Variants in GPM6B observed in about 807,000 individuals in gnomAD.
GPM6B encodes neuronal membrane glycoprotein M6-b.
In GPM6B, 4 loss-of-function variants were observed where a neutral mutation model predicts 27.2. The observed-to-expected ratio is 0.15, with a 90% CI of 0.07 to 0.34. GPM6B has a LOEUF of 0.34. Among genes scored for constraint, GPM6B ranks in the 10% least tolerant of loss-of-function variants. The probability of loss-of-function intolerance (pLI) is 1.00; values close to 1 mark genes in which losing one functional copy is unlikely to be tolerated. For synonymous variants in GPM6B, 124 were observed against 103.1 expected (o/e 1.20, Z -1.23); for missense variants, 183 against 261.9 (o/e 0.70, Z 2.08).
intron 2 of GPM6B, among the ~76,000 whole-genome samples, chrX:13,788,551 G>A (rs1396719786): frequency 9.1e-6 from 1 of 109,313 alleles, no homozygotes; most frequent in East Asian, 2.9e-4. Context: ...TGTATATATA[G>A]ATGTATACAT....
At chrX:13,816,598 C>A (rs2049238996) in intron 1 of GPM6B, among the ~76,000 whole-genome samples, 1 of 111,018 alleles carries the variant, frequency 9.0e-6, no homozygotes, top group East Asian at 2.8e-4. Context: ...CCCAAGGTGA[C>A]AAACTATAGA....
intron 1 of GPM6B, among the ~76,000 whole-genome samples, chrX:13,868,942 G>A (rs1020810107): frequency 8.9e-6 from 1 of 111,958 alleles, no homozygotes; most frequent in African/African-American, 3.2e-5. Context: ...TGGGATGCTT[G>A]GAGATGGTGT....
At chrX:13,894,427 T>C (rs1046825114) in intron 1 of GPM6B, among the ~76,000 whole-genome samples, 2 of 112,401 alleles carry the variant, frequency 1.8e-5, no homozygotes, top group African/African-American at 6.5e-5. Context: ...TAGAAGTTTA[T>C]CAAGCAACCT....
At chrX:13,906,208 C>G (rs908845711) in intron 1 of GPM6B, among the ~76,000 whole-genome samples, 19 of 112,319 alleles carry the variant, frequency 1.7e-4, no homozygotes, top group African/African-American at 6.1e-4. Flanking sequence ...GTTTTTTGTT[C>G]ATGCACCTCC....
chrX:13,777,921 C>T (rs750872385), intron 5 of GPM6B, among the ~76,000 whole-genome samples: 7 of 111,944 alleles, frequency 6.3e-5, no homozygotes, highest in African/African-American at 1.3e-4. Flanking sequence ...GGCAATTTGA[C>T]GGAGTAATTT....
At chrX:13,790,950 T>C (rs1441430648) in intron 2 of GPM6B, among the ~76,000 whole-genome samples, 1 of 111,651 alleles carries the variant, frequency 9.0e-6, no homozygotes, top group African/African-American at 3.3e-5. Context: ...CTGTCCTTAG[T>C]AGTCATAGGC....
chrX:13,862,541 G>GCT (rs1402811714), intron 1 of GPM6B, among the ~76,000 whole-genome samples: 1 of 111,793 alleles, frequency 8.9e-6, no homozygotes. Flanking sequence ...GCAACAAGGT[G>GCT]GGTAGGTGGG....
At chrX:13,892,912 G>A (rs964060291) in intron 1 of GPM6B, among the ~76,000 whole-genome samples, 29 of 112,012 alleles carry the variant, frequency 2.6e-4, no homozygotes, top group African/African-American at 9.4e-4. Context: ...GGGTATGGTG[G>A]TGCATACCTG....
upstream of GPM6B, chrX:13,817,230 G>A: frequency 1.2e-6 from 1 of 848,762 alleles, no homozygotes; most frequent in South Asian, 6.2e-5. Flanking sequence ...GGGGGTAGGG[G>A]GGTGGGGGAG....
intron 1 of GPM6B, among the ~76,000 whole-genome samples, chrX:13,853,721 C>T (rs192420351): frequency 1.0e-3 from 115 of 110,333 alleles, no homozygotes; most frequent in African/African-American, 3.5e-3. Context: ...CCAATGAAGT[C>T]ACAATAATAT....
At position 13,783,525 on chromosome X, in the gene GPM6B, CAA is replaced by C. The variant is rs2048555652; in HGVS notation, c.369-6_369-5del. The C allele has an allele frequency of 8.4e-7, 1 of 1,187,481 alleles. No homozygotes were observed. The highest frequency in any genetic ancestry group is 1.1e-6 in the Non-Finnish European group (1 of 882,150). On this transcript the variant is annotated splice_region_variant and splice_polypyrimidine_tract_variant and intron_variant, in intron 3 of 7. Coordinates refer to ENST00000316715, the MANE Select transcript of GPM6B (RefSeq NM_001001995.3). ...GACATACTGCATCAGTTGTATCCTA[CAA>C]AGAGAAGAAGAGATCCTGAACCATT...
At chrX:13,780,232 T>A (rs1343790015) in intron 4 of GPM6B, among the ~76,000 whole-genome samples, 1 of 111,345 alleles carries the variant, frequency 9.0e-6, no homozygotes, top group Non-Finnish European at 1.9e-5. Context: ...TCAGGGCCTT[T>A]CGGGTCACTC....
intron 1 of GPM6B, among the ~76,000 whole-genome samples, chrX:13,850,797 C>T (rs752593607): frequency 6.3e-5 from 7 of 111,986 alleles, no homozygotes; most frequent in African/African-American, 9.7e-5. Flanking sequence ...TTATTGGTAT[C>T]GTTATTTAAA....
chrX:13,871,695 C>T (rs2049980441), intron 1 of GPM6B, among the ~76,000 whole-genome samples: 2 of 112,332 alleles, frequency 1.8e-5, no homozygotes, highest in Admixed American at 9.4e-5. Context: ...CATATAGTAG[C>T]CACTAGCTAC....
intron 1 of GPM6B, among the ~76,000 whole-genome samples, chrX:13,842,748 A>T (rs1481677011): frequency 3.6e-5 from 4 of 111,531 alleles, no homozygotes; most frequent in South Asian, 7.7e-4. Flanking sequence ...AAAATTTTTT[A>T]AAAGCTACCC....
intron 1 of GPM6B, among the ~76,000 whole-genome samples, chrX:13,909,107 T>C (rs1308231703): frequency 9.8e-6 from 1 of 102,353 alleles, no homozygotes; most frequent in Non-Finnish European, 2.0e-5. Context: ...TAATCTGCCC[T>C]ATTGTTCATA....
At chrX:13,901,460 C>T (rs2050281851) in intron 1 of GPM6B, among the ~76,000 whole-genome samples, 1 of 108,911 alleles carries the variant, frequency 9.2e-6, no homozygotes, top group African/African-American at 3.4e-5. Context: ...CTCAAACTTC[C>T]AAGTCTATAA....
chrX:13,774,140 C>T, intron 7 of GPM6B: 1 of 758,226 alleles, frequency 1.3e-6, no homozygotes, highest in Non-Finnish European at 1.6e-6. Flanking sequence ...TAAAACGGTT[C>T]TCTTCCATTT....
At chrX:13,921,720 A>ATG (rs1366104817) in intron 1 of GPM6B, among the ~76,000 whole-genome samples, 3 of 111,008 alleles carry the variant, frequency 2.7e-5, no homozygotes, top group Admixed American at 9.5e-5. Flanking sequence ...CTGGGATTAC[A>ATG]GGCGTGTGCC....
Sources: gnomAD v4.1 joint callset for allele counts (sites outside exome capture counted in the v4.1 genomes callset) on GRCh38, gnomAD v4.1.1 for gene constraint, MANE v1.5 for transcripts, NCBI Gene and HGNC (gene_info 2026-07-23, HGNC 2026-07-21) for gene names.